LPP: variants seen among roughly 807,000 people sequenced by gnomAD.
LPP encodes the protein LIM domain containing preferred translocation partner in lipoma.
LPP carries 38 observed loss-of-function variants against 60.4 expected under a neutral mutation model. That is an observed-to-expected ratio of 0.63 (90% CI 0.49 to 0.83). The LOEUF (loss-of-function observed/expected upper bound fraction) is 0.83, where lower values mean the gene tolerates loss of function less well. LPP is among the 40% of genes least tolerant of loss of function. The pLI is 0.00. For synonymous variants in LPP, 328 were observed against 290.8 expected (o/e 1.13, Z -1.30); for missense variants, 902 against 783.6 (o/e 1.15, Z -1.80).
At chr3:188,310,695 A>C (rs1753130545) in intron 2 of LPP, among the ~76,000 whole-genome samples, 1 of 152,098 alleles carries the variant, frequency 6.6e-6, no homozygotes, top group African/African-American at 2.4e-5. Context: ...TGGCATTTAG[A>C]ATTTGAGTTT....
intron 7 of LPP, among the ~76,000 whole-genome samples, chr3:188,695,633 T>A (rs1863083939): frequency 1.3e-5 from 2 of 152,186 alleles, no homozygotes; most frequent in African/African-American, 4.8e-5. Flanking sequence ...GTGAAGACGC[T>A]AAAGGGGGGA....
chr3:188,831,600 G>A lies in LPP; in HGVS notation c.1411-34600G>A, dbSNP rs528318853. 1.8e-4 allele frequency among the ~76,000 whole-genome samples: 27 copies of A among 152,290 alleles called. No homozygotes were observed. The South Asian group carries it at 5.0e-3, about 28-fold the overall frequency. ...AGGCCTGGCCACCCAGGCTCTTTCC[G>A]GTGTTCCATGTACACTGCATAGATT... On this transcript the variant is annotated intron_variant, in intron 9 of 11. Transcript: ENST00000617246.
At chr3:188,618,416 T>C (rs1845247764) in intron 7 of LPP, among the ~76,000 whole-genome samples, 1 of 152,200 alleles carries the variant, frequency 6.6e-6, no homozygotes, top group Non-Finnish European at 1.5e-5. Context: ...CTCTGTAAGT[T>C]GTTCAGAGGC....
intron 7 of LPP, among the ~76,000 whole-genome samples, chr3:188,648,451 A>G (rs555359013): frequency 6.6e-6 from 1 of 152,132 alleles, no homozygotes; most frequent in Non-Finnish European, 1.5e-5. Context: ...ATTTCAGACA[A>G]TGAATACTCA....
intron 7 of LPP, among the ~76,000 whole-genome samples, chr3:188,635,565 A>C (rs1275914947): frequency 6.6e-6 from 1 of 152,182 alleles, no homozygotes; most frequent in African/African-American, 2.4e-5. Context: ...TGAGCCTCTA[A>C]GAGGCTCCAT....
At chr3:188,462,033 A>G (rs1799069156) in intron 4 of LPP, among the ~76,000 whole-genome samples, 1 of 152,138 alleles carries the variant, frequency 6.6e-6, no homozygotes, top group African/African-American at 2.4e-5. Context: ...TGCATTAGTA[A>G]TATTTAATAG....
At chr3:188,412,869 G>A (rs985996030) in intron 4 of LPP, among the ~76,000 whole-genome samples, 7 of 152,188 alleles carry the variant, frequency 4.6e-5, no homozygotes, top group Non-Finnish European at 4.4e-5. Flanking sequence ...GTGAGGTTAC[G>A]AATGTATTAT....
At chr3:188,532,268 A>AACAG (rs1255018145) in intron 6 of LPP, among the ~76,000 whole-genome samples, 1 of 151,910 alleles carries the variant, frequency 6.6e-6, no homozygotes, top group East Asian at 1.9e-4. Context: ...CAAACAAACA[A>AACAG]ACAAAACTTA....
At chr3:188,873,980 T>TA (rs1404256485) in intron 11 of LPP, among the ~76,000 whole-genome samples, 2 of 152,024 alleles carry the variant, frequency 1.3e-5, no homozygotes, top group African/African-American at 4.8e-5. Context: ...TGGTAAAGGG[T>TA]AAAAAATGCA....
intron 8 of LPP, among the ~76,000 whole-genome samples, chr3:188,733,931 T>A (rs1404717818): frequency 6.6e-6 from 1 of 152,208 alleles, no homozygotes; most frequent in Non-Finnish European, 1.5e-5. Context: ...TCCATATTCA[T>A]AGCTTCCTTT....
chr3:188,527,369 A>G (rs540807369), intron 6 of LPP, among the ~76,000 whole-genome samples: 4,362 of 129,996 alleles, frequency 0.034, 123 homozygotes, highest in African/African-American at 0.077. Flanking sequence ...AAAAAAAAAA[A>G]AGAGAGAATA....
At chr3:188,328,281 T>C (rs1260232739) in intron 2 of LPP, among the ~76,000 whole-genome samples, 1 of 152,158 alleles carries the variant, frequency 6.6e-6, no homozygotes, top group African/African-American at 2.4e-5. Flanking sequence ...CTCCTATGAT[T>C]TTGTAAAATC....
intron 6 of LPP, among the ~76,000 whole-genome samples, chr3:188,599,358 G>A (rs1840612083): frequency 6.6e-6 from 1 of 151,972 alleles, no homozygotes; most frequent in Non-Finnish European, 1.5e-5. Flanking sequence ...CACCTGGATC[G>A]TTGCTTCTCT....
At chr3:188,681,084 C>T (rs1577002278) in intron 7 of LPP, among the ~76,000 whole-genome samples, 1 of 151,636 alleles carries the variant, frequency 6.6e-6, no homozygotes, top group African/African-American at 2.4e-5. Context: ...GCAATCACCG[C>T]CTCCTGGGTT....
intron 4 of LPP, among the ~76,000 whole-genome samples, chr3:188,483,724 G>A (rs915220007): frequency 6.6e-6 from 1 of 151,860 alleles, no homozygotes; most frequent in Non-Finnish European, 1.5e-5. Flanking sequence ...GGTTTTTCTC[G>A]GTATCCCAAA....
intron 5 of LPP, among the ~76,000 whole-genome samples, chr3:188,490,804 G>T (rs1361631789): frequency 7.8e-6 from 1 of 127,758 alleles, no homozygotes; most frequent in Non-Finnish European, 1.6e-5. Flanking sequence ...GTCCAGGCTG[G>T]AGTGCAGTGG....
intron 7 of LPP, among the ~76,000 whole-genome samples, chr3:188,678,803 T>A (rs1383009500): frequency 6.6e-6 from 1 of 152,176 alleles, no homozygotes; most frequent in Non-Finnish European, 1.5e-5. Context: ...TAAATCCTAG[T>A]CTTGTGGGAA....
At chr3:188,539,414 T>C (rs1218823833) in intron 6 of LPP, among the ~76,000 whole-genome samples, 1 of 152,168 alleles carries the variant, frequency 6.6e-6, no homozygotes, top group Non-Finnish European at 1.5e-5. Flanking sequence ...AGGGAGTATT[T>C]GCAAGAAGAA....
chr3:188,749,790 C>T (rs992865611), intron 8 of LPP, among the ~76,000 whole-genome samples: 1 of 152,100 alleles, frequency 6.6e-6, no homozygotes, highest in African/African-American at 2.4e-5. Flanking sequence ...TATTTTCAGT[C>T]TTTATATATC....
Sources: allele counts gnomAD v4.1 joint callset (sites outside exome capture counted in the v4.1 genomes callset), GRCh38; gene constraint gnomAD v4.1.1; transcripts MANE v1.5; gene names NCBI Gene and HGNC (gene_info 2026-07-23, HGNC 2026-07-21).